NUDT9: variants seen among roughly 807,000 people sequenced by gnomAD.
NUDT9 encodes the protein nudix hydrolase 9.
In NUDT9, 31 loss-of-function variants were observed where a neutral mutation model predicts 41.0. The ratio of observed to expected loss-of-function variants is 0.76; its 90% CI spans 0.57 to 1.02. The LOEUF is 1.02. NUDT9 is among the 50% of genes least tolerant of loss of function. The pLI is 0.00. For missense variants in NUDT9, 380 were observed against 431.4 expected (o/e 0.88, Z 1.06); for synonymous variants, 146 against 147.6 (o/e 0.99, Z 0.08).
At chr4:87,454,509 AG>A in intron 7 of NUDT9, 54 bp downstream of exon 7, 4 of 1,082,166 alleles carry the variant, frequency 3.7e-6, no homozygotes, top group Non-Finnish European at 5.8e-6. Flanking sequence ...TTAAGCCATT[AG>A]CCCACTAAGG....
Position 87,422,744 on chromosome 4 carries a change from AT to A in NUDT9, c.-159del. The A allele has an allele frequency of 1.8e-6, 1 of 549,906 alleles. No homozygotes were observed. The highest frequency in any genetic ancestry group is 3.2e-6 in the Non-Finnish European group (1 of 310,796). The allele number at this position is 549,906 out of a possible 1,614,324, so 34.1% of individuals were successfully genotyped here. A position where few individuals can be genotyped will look rare whatever the true frequency, so the allele number is the denominator to read the frequency against. ...ATCGTGGGAGGGCTCTTGATCTGTGATTTATAGATAGGCACAGCTACTCCCG... is the reference window on the plus strand; with the variant it reads ...ATCGTGGGAGGGCTCTTGATCTGTGATTATAGATAGGCACAGCTACTCCCG... On this transcript the variant is annotated 5_prime_UTR_variant, in exon 1 of 8. The change abolishes the stop of an existing upstream ORF in the 5' untranslated region. Transcript: ENST00000302174.
intron 6 of NUDT9, 144 bp downstream of exon 6, chr4:87,451,879 G>C: frequency 1.5e-6 from 1 of 670,828 alleles, no homozygotes. Flanking sequence ...ACAAATTACA[G>C]ATCTTCACTG....
intron 1 of NUDT9, among the ~76,000 whole-genome samples, chr4:87,431,279 C>T (rs1325722778): frequency 4.6e-5 from 7 of 152,108 alleles, no homozygotes; most frequent in African/African-American, 1.4e-4. Flanking sequence ...ACTTCTATTC[C>T]ACTAGTCTAT....
At chr4:87,452,461 A>G (rs1445826375) in intron 6 of NUDT9, among the ~76,000 whole-genome samples, 2 of 151,630 alleles carry the variant, frequency 1.3e-5, no homozygotes, top group South Asian at 2.1e-4. Flanking sequence ...TGTTTTGTCC[A>G]TATACCCTCT....
chr4:87,452,001 T>C (rs1258332604), intron 6 of NUDT9, among the ~76,000 whole-genome samples: 2 of 151,958 alleles, frequency 1.3e-5, no homozygotes, highest in Non-Finnish European at 1.5e-5. Context: ...TTCTTCTTAG[T>C]TTTTCTTTCT....
chr4:87,448,051 A>G (rs993803012), intron 4 of NUDT9, among the ~76,000 whole-genome samples: 1 of 151,426 alleles, frequency 6.6e-6, no homozygotes, highest in Non-Finnish European at 1.5e-5. Context: ...AAAAAAAAAA[A>G]GATTGAGAAG....
rs1721862211 is a variant in NUDT9, at chr4:87,435,041, T to G, written c.168T>G (p.Gly56=). 6.2e-6 allele frequency: 10 copies of G among 1,614,002 alleles called. No individual in the cohort carries two copies. Among genetic ancestry groups the G allele is most frequent in the Middle Eastern group, 1.6e-4 (1 of 6,084 alleles). ...CCAACGTCATGTCTGGTTCTAATGG[T>G]TCCAAAGAAAATTCTCACAATAAGG... ...LNTNVMSGSN[G]SKENSHNKAR... The change falls in exon 2 of 8, where the codon GGT becomes GGG. Residue 56 remains glycine, a synonymous_variant. Transcript: ENST00000302174.
rs1278293818 is a variant in NUDT9, at chr4:87,458,576, T to C, written c.*555T>C. 6.6e-6 allele frequency: 1 copy of C among 152,216 alleles called. No homozygotes were observed. The highest frequency in any genetic ancestry group is 1.5e-5 in the Non-Finnish European group (1 of 68,040). The allele number at this position is 152,216 out of a possible 1,614,324, so 9.4% of individuals were successfully genotyped here. On this transcript the variant is annotated 3_prime_UTR_variant, in exon 8 of 8. Transcript: ENST00000302174. ...AATGGAAACTATGTTTTCTTGACTTTAGAAGCATTAGTTTTAAGAGGAAAT... is the reference window on the plus strand; with the variant it reads ...AATGGAAACTATGTTTTCTTGACTTCAGAAGCATTAGTTTTAAGAGGAAAT...
intron 4 of NUDT9, among the ~76,000 whole-genome samples, chr4:87,447,487 T>G (rs61491280): frequency 0.03 from 4,593 of 151,012 alleles, 229 homozygotes; most frequent in African/African-American, 0.1. Flanking sequence ...TTTTTTTTTT[T>G]TTTGTTTTGT....
intron 2 of NUDT9, among the ~76,000 whole-genome samples, chr4:87,436,936 T>C (rs1721963825): frequency 6.6e-6 from 1 of 152,134 alleles, no homozygotes; most frequent in African/African-American, 2.4e-5. Flanking sequence ...GAGAGTAGTT[T>C]AGTTATGTCT....
Position 87,441,864 on chromosome 4 carries a change from G to A in NUDT9, c.479G>A (p.Gly160Glu). ...GGACGGACTGGACTGGTGGGCCGGG[G>A]GCTTTTGGGGCGATGGGGCCCAAAT... ...PAGRTGLVGR[G>E]LLGRWGPNHA... The change falls in exon 4 of 8, where the codon GGG becomes GAG. Residue 160 changes from glycine (G) to glutamate (E), a missense_variant. Transcript: ENST00000302174. 6.2e-7 allele frequency: 1 copy of A among 1,613,710 alleles called. No individual in the cohort carries two copies. The highest frequency in any genetic ancestry group is 1.1e-5 in the South Asian group (1 of 90,998).
chr4:87,451,062 A>G (rs995307107), intron 5 of NUDT9, among the ~76,000 whole-genome samples: 7 of 152,218 alleles, frequency 4.6e-5, no homozygotes, highest in African/African-American at 1.7e-4. Flanking sequence ...AGAGTTTGCG[A>G]TTTTAGACAG....
At chr4:87,430,857 C>G (rs1231658781) in intron 1 of NUDT9, among the ~76,000 whole-genome samples, 2 of 152,044 alleles carry the variant, frequency 1.3e-5, no homozygotes, top group African/African-American at 4.8e-5. Context: ...ATGTGATTAC[C>G]AAGTATCTTT....
At chr4:87,454,055 G>T (rs1373963791) in intron 6 of NUDT9, among the ~76,000 whole-genome samples, 1 of 151,322 alleles carries the variant, frequency 6.6e-6, no homozygotes, top group Non-Finnish European at 1.5e-5. Flanking sequence ...TAGAGACAGG[G>T]TTTCACCTTG....
intron 4 of NUDT9, chr4:87,445,516 A>G (rs1722405348): frequency 6.6e-6 from 1 of 152,192 alleles, no homozygotes; most frequent in African/African-American, 2.4e-5. Context: ...AGGTACAATT[A>G]TCAAAAGTTT....
intron 4 of NUDT9, 117 bp downstream of exon 4, chr4:87,442,032 T>G: frequency 1.5e-6 from 1 of 654,336 alleles, no homozygotes; most frequent in East Asian, 2.8e-5. Flanking sequence ...TGTATGTGTT[T>G]GTATATATAT....
chr4:87,458,797 A>T lies in NUDT9; in HGVS notation c.*776A>T, dbSNP rs2110197911. The T allele has an allele frequency of 6.6e-6, 1 of 152,372 alleles. No homozygotes were observed. Among genetic ancestry groups the T allele is most frequent in the East Asian group, 1.9e-4 (1 of 5,186 alleles). 9.4% of individuals were successfully genotyped at this position (152,372 alleles called of 1,614,324 possible). On this transcript the variant is annotated 3_prime_UTR_variant, in exon 8 of 8. Transcript: ENST00000302174. ...AAAAGAATTGAAATCAGGACAAAAA[A>T]TTACAGATGCTAGTGAGGTTGTAGA...
In NUDT9 at chr4:87,438,138, G is replaced by GGA. The variant is rs1387106100; in HGVS notation, c.348-139_348-138insGA. ...TTTTGAAGGAATAAGATGGATTTGT[G>GGA]AAAAAAAAAAAAAAACTAACCCTTA... On this transcript the variant is annotated intron_variant, in intron 2 of 7. Coordinates refer to ENST00000302174, the MANE Select transcript of NUDT9 (RefSeq NM_024047.5). 3.0e-4 allele frequency: 97 copies of GGA among 325,340 alleles called. No homozygotes were observed. The Middle Eastern group carries it at 4.9e-3, about 17-fold the overall frequency. The allele number at this position is 325,340 out of a possible 1,614,324, so 20.2% of individuals were successfully genotyped here.
At position 87,422,854 on chromosome 4, in the gene NUDT9, G is replaced by A. The variant is rs1448062026; in HGVS notation, c.-52G>A. ...CGGAGCTGTGGGGTGTGGGGAGGCG[G>A]AGGCACCAACTAAGAGCGACCTAGC... On this transcript the variant is annotated 5_prime_UTR_variant, in exon 1 of 8. Coordinates refer to ENST00000302174, the MANE Select transcript of NUDT9 (RefSeq NM_024047.5). 2 of 1,430,828 alleles carry A rather than the reference G, an allele frequency of 1.4e-6. No individual in the cohort carries two copies. Among genetic ancestry groups the A allele is most frequent in the South Asian group, 1.2e-5 (1 of 86,002 alleles). The allele number at this position is 1,430,828 out of a possible 1,614,324, so 88.6% of individuals were successfully genotyped here. A position where few individuals can be genotyped will look rare whatever the true frequency, so the allele number is the denominator to read the frequency against.
Sources: allele counts gnomAD v4.1 joint callset (sites outside exome capture counted in the v4.1 genomes callset), GRCh38; gene constraint gnomAD v4.1.1; transcripts MANE v1.5; gene names NCBI Gene and HGNC (gene_info 2026-07-23, HGNC 2026-07-21).